The following AFF3 variants were observed in gnomAD, a reference collection of about 807,000 sequenced individuals.
AFF3 encodes AF4/FMR2 family member 3.
In AFF3, 32 loss-of-function variants were observed where a neutral mutation model predicts 129.7. That is an observed-to-expected ratio of 0.25 (90% CI 0.19 to 0.33). AFF3 has a LOEUF of 0.33. Among genes scored for constraint, AFF3 ranks in the 10% least tolerant of loss-of-function variants. The pLI is 1.00. For synonymous variants in AFF3, 644 were observed against 635.4 expected (o/e 1.01, Z -0.20); for missense variants, 1,373 against 1,592.0 (o/e 0.86, Z 2.34).
intron 8 of AFF3, among the ~76,000 whole-genome samples, chr2:99,794,742 C>T (rs1478549883): frequency 1.3e-5 from 2 of 152,142 alleles, no homozygotes; most frequent in Non-Finnish European, 2.9e-5. Flanking sequence ...CTGTTTAAAG[C>T]TCTGTCTCTT....
intron 19 of AFF3, among the ~76,000 whole-genome samples, chr2:99,566,204 G>A (rs112998843): frequency 6.7e-6 from 1 of 150,048 alleles, no homozygotes; most frequent in East Asian, 1.9e-4. Context: ...AGCCTCCCAC[G>A]TAGCTGGAAT....
At chr2:99,991,712 G>A (rs1259607329) in intron 7 of AFF3, among the ~76,000 whole-genome samples, 3 of 152,120 alleles carry the variant, frequency 2.0e-5, no homozygotes, top group Non-Finnish European at 4.4e-5. Flanking sequence ...AGAGCAGCCT[G>A]GCCAACATGG....
intron 8 of AFF3, among the ~76,000 whole-genome samples, chr2:99,791,804 A>G (rs1420074842): frequency 1.4e-5 from 2 of 144,602 alleles, no homozygotes; most frequent in Non-Finnish European, 3.0e-5. Flanking sequence ...TTAGTGCCAT[A>G]TTTTTTGCAA....
chr2:100,022,324 T>C (rs773004843), intron 4 of AFF3, among the ~76,000 whole-genome samples: 2 of 152,224 alleles, frequency 1.3e-5, no homozygotes, highest in Non-Finnish European at 2.9e-5. Flanking sequence ...TTAAGAAATG[T>C]TGCAAAGAGG....
chr2:99,952,399 C>G lies in AFF3; in HGVS notation c.873+54233G>C, dbSNP rs10197065. On this transcript the variant is annotated intron_variant, in intron 7 of 24. Coordinates refer to ENST00000672756, the MANE Select transcript of AFF3 (RefSeq NM_001386135.1). ...ACTGTAAGCCAATTAAACCTCTTTT[C>G]TTTACACATTACCCAGTCTCAGGCA... Among the ~76,000 whole-genome samples, 1,023 of 152,224 alleles carry G rather than the reference C, an allele frequency of 6.7e-3. 6 individuals are homozygous for G. The highest frequency in any genetic ancestry group is 0.017 in the African/African-American group (717 of 41,548).
At chr2:99,780,730 C>T (rs1684338258) in intron 8 of AFF3, among the ~76,000 whole-genome samples, 1 of 152,176 alleles carries the variant, frequency 6.6e-6, no homozygotes, top group Admixed American at 6.5e-5. Context: ...CTGGACTCAT[C>T]TTGACTTCTC....
At chr2:99,840,725 T>G (rs1051800435) in intron 7 of AFF3, among the ~76,000 whole-genome samples, 1 of 152,172 alleles carries the variant, frequency 6.6e-6, no homozygotes, top group African/African-American at 2.4e-5. Flanking sequence ...CTGATACAAC[T>G]GGATCAGAGA....
At chr2:100,027,709 C>T (rs1684158778) in intron 4 of AFF3, among the ~76,000 whole-genome samples, 1 of 152,046 alleles carries the variant, frequency 6.6e-6, no homozygotes, top group South Asian at 2.1e-4. Flanking sequence ...TATTTCTTCC[C>T]AAGTAAGTAT....
intron 7 of AFF3, among the ~76,000 whole-genome samples, chr2:99,878,047 A>C (rs982031429): frequency 6.6e-6 from 1 of 152,214 alleles, no homozygotes. Context: ...TTGATTAGTA[A>C]TCATTAAATG....
intron 12 of AFF3, among the ~76,000 whole-genome samples, chr2:99,659,174 T>G (rs1054348167): frequency 2.0e-5 from 3 of 152,218 alleles, no homozygotes; most frequent in Admixed American, 6.5e-5. Flanking sequence ...CGGGCAAACC[T>G]ACTGGTGCTG....
At position 99,545,478 on chromosome 2, in the gene AFF3, CTATGT is replaced by C. The variant is rs1350541694; in HGVS notation, c.*5991_*5995del. Reference sequence around the variant, plus strand: ...ACTCTAAAAATCCTAAACATTGGTGCTATGTTATATCATGTCTAGATCCAAGTATT... The same window carrying C: ...ACTCTAAAAATCCTAAACATTGGTGCTATATCATGTCTAGATCCAAGTATT... On this transcript the variant is annotated 3_prime_UTR_variant, in exon 25 of 25. Transcript: ENST00000672756. 1.3e-5 allele frequency: 2 copies of C among 152,116 alleles called. No homozygotes were observed. Among genetic ancestry groups the C allele is most frequent in the Admixed American group, 1.3e-4 (2 of 15,258 alleles). The allele number at this position is 152,116 out of a possible 1,614,324, so 9.4% of individuals were successfully genotyped here.
chr2:99,694,041 C>T (rs1457967613), intron 11 of AFF3, among the ~76,000 whole-genome samples: 2 of 152,032 alleles, frequency 1.3e-5, no homozygotes, highest in Non-Finnish European at 2.9e-5. Flanking sequence ...CCTCAGCCTC[C>T]CGAGTAGCTG....
At chr2:99,725,146 T>G (rs1429201106) in intron 11 of AFF3, among the ~76,000 whole-genome samples, 5 of 151,966 alleles carry the variant, frequency 3.3e-5, no homozygotes, top group African/African-American at 1.2e-4. Flanking sequence ...AATTTTTTTT[T>G]GTATTTTTGG....
At chr2:100,068,564 C>T (rs1687911731) in intron 4 of AFF3, among the ~76,000 whole-genome samples, 1 of 152,166 alleles carries the variant, frequency 6.6e-6, no homozygotes, top group African/African-American at 2.4e-5. Flanking sequence ...TAAAAAAGGA[C>T]TTGACTTATT....
At chr2:100,103,166 C>T (rs147773954) in intron 4 of AFF3, among the ~76,000 whole-genome samples, 24,034 of 152,134 alleles carry the variant, frequency 0.16, 2,022 homozygotes, top group South Asian at 0.2. Context: ...ATAAAAGTCA[C>T]TGGAAACCTA....
chr2:99,681,121 A>G (rs1460438855), intron 11 of AFF3, among the ~76,000 whole-genome samples: 2 of 152,140 alleles, frequency 1.3e-5, no homozygotes, highest in Admixed American at 1.3e-4. Context: ...TCAGCCCCAG[A>G]TATTCTGATT....
chr2:99,988,745 G>C (rs774066609), intron 7 of AFF3, among the ~76,000 whole-genome samples: 4 of 152,072 alleles, frequency 2.6e-5, no homozygotes, highest in Non-Finnish European at 5.9e-5. Flanking sequence ...CTCGGCACTG[G>C]GTTCTGTAGA....
At chr2:99,726,551 C>T (rs893606824) in intron 11 of AFF3, among the ~76,000 whole-genome samples, 4 of 152,120 alleles carry the variant, frequency 2.6e-5, no homozygotes, top group African/African-American at 9.7e-5. Context: ...AAGAAACAGA[C>T]AAAACATAGA....
chr2:99,743,415 C>A (rs1680882144), intron 10 of AFF3, among the ~76,000 whole-genome samples: 1 of 152,162 alleles, frequency 6.6e-6, no homozygotes, highest in South Asian at 2.1e-4. Flanking sequence ...AGCTTGCTGG[C>A]TGGTCGTGAA....
Sources: gnomAD v4.1 joint callset for allele counts (sites outside exome capture counted in the v4.1 genomes callset) on GRCh38, gnomAD v4.1.1 for gene constraint, MANE v1.5 for transcripts, NCBI Gene and HGNC (gene_info 2026-07-23, HGNC 2026-07-21) for gene names.